The following KCNMA1 variants were observed in gnomAD, a reference collection of about 807,000 sequenced individuals.
The protein encoded by KCNMA1 is potassium calcium-activated channel subfamily M alpha 1.
In KCNMA1, 29 loss-of-function variants were observed where a neutral mutation model predicts 140.0. The ratio of observed to expected loss-of-function variants is 0.21; its 90% CI spans 0.15 to 0.28. KCNMA1 has a LOEUF of 0.28. Ranked by LOEUF, KCNMA1 falls within the 10% of genes least tolerant of loss-of-function variation. KCNMA1 has a pLI of 1.00. For missense variants in KCNMA1, 880 were observed against 1,602.2 expected (o/e 0.55, Z 7.70); for synonymous variants, 612 against 611.9 (o/e 1.00, Z 0.00).
intron 1 of KCNMA1, among the ~76,000 whole-genome samples, chr10:77,545,083 T>C (rs1260922055): frequency 6.6e-6 from 1 of 152,206 alleles, no homozygotes; most frequent in Non-Finnish European, 1.5e-5. Flanking sequence ...AATGGAATCA[T>C]GAAGTTTCTA....
chr10:77,503,884 C>A (rs1394669006), intron 1 of KCNMA1, among the ~76,000 whole-genome samples: 1 of 152,104 alleles, frequency 6.6e-6, no homozygotes, highest in Non-Finnish European at 1.5e-5. Context: ...AAACACTGTG[C>A]GACATCTTAC....
chr10:76,914,435 A>G (rs2051803655), intron 24 of KCNMA1: 19 of 480,464 alleles, frequency 4.0e-5, no homozygotes, highest in Non-Finnish European at 6.7e-5. Flanking sequence ...TTTGGCTGAG[A>G]TATTCAACTA....
intron 3 of KCNMA1, among the ~76,000 whole-genome samples, chr10:77,211,981 T>C (rs2117910): frequency 0.32 from 49,119 of 152,042 alleles, 8,379 homozygotes; most frequent in Non-Finnish European, 0.35. Context: ...AAAGGGAATG[T>C]TTACACACTG....
chr10:77,142,812 T>C (rs2098209972), intron 5 of KCNMA1, among the ~76,000 whole-genome samples: 1 of 152,094 alleles, frequency 6.6e-6, no homozygotes, highest in Non-Finnish European at 1.5e-5. Context: ...TCTCCAAAAC[T>C]TGACACCCTG....
chr10:77,121,781 AATT>A (rs1304470663), intron 5 of KCNMA1, among the ~76,000 whole-genome samples: 3 of 152,232 alleles, frequency 2.0e-5, no homozygotes, highest in Non-Finnish European at 2.9e-5. Flanking sequence ...TAAAAATGCA[AATT>A]ATTATGTTTT....
At chr10:77,550,444 C>T (rs2062520694) in intron 1 of KCNMA1, among the ~76,000 whole-genome samples, 1 of 152,202 alleles carries the variant, frequency 6.6e-6, no homozygotes, top group Non-Finnish European at 1.5e-5. Context: ...GGATTTCACC[C>T]TATTCTTTCC....
intron 3 of KCNMA1, among the ~76,000 whole-genome samples, chr10:77,195,176 G>GT (rs1469676221): frequency 6.6e-6 from 1 of 152,120 alleles, no homozygotes; most frequent in Non-Finnish European, 1.5e-5. Context: ...TAAAATAGCT[G>GT]TGTCTTAGCT....
At chr10:77,574,225 T>A (rs2154561599) in intron 1 of KCNMA1, among the ~76,000 whole-genome samples, 1 of 151,892 alleles carries the variant, frequency 6.6e-6, no homozygotes, top group Admixed American at 6.6e-5. Context: ...GAACTTTTCT[T>A]TCTATAAGAT....
chr10:77,332,123 A>G (rs2086664626), intron 2 of KCNMA1, among the ~76,000 whole-genome samples: 1 of 152,174 alleles, frequency 6.6e-6, no homozygotes, highest in Non-Finnish European at 1.5e-5. Flanking sequence ...CATAGCATTT[A>G]CAGTACGATA....
intron 2 of KCNMA1, among the ~76,000 whole-genome samples, chr10:77,390,608 G>A (rs751047800): frequency 6.6e-6 from 1 of 152,204 alleles, no homozygotes; most frequent in Non-Finnish European, 1.5e-5. Flanking sequence ...ATAACACCAG[G>A]CAGAGGCTCT....
At chr10:77,285,124 T>G (rs2070292132) in intron 2 of KCNMA1, among the ~76,000 whole-genome samples, 2 of 152,206 alleles carry the variant, frequency 1.3e-5, no homozygotes, top group South Asian at 4.1e-4. Context: ...ATCCCGATGC[T>G]CTTGAAATTT....
At chr10:77,281,696 G>A (rs897112181) in intron 2 of KCNMA1, among the ~76,000 whole-genome samples, 9 of 152,180 alleles carry the variant, frequency 5.9e-5, no homozygotes, top group African/African-American at 2.2e-4. Context: ...AGAAGTGCCT[G>A]ACTGGTAATA....
At chr10:77,054,554 T>C (rs1447695354) in intron 14 of KCNMA1, among the ~76,000 whole-genome samples, 3 of 152,164 alleles carry the variant, frequency 2.0e-5, no homozygotes, top group South Asian at 2.1e-4. Context: ...GAGGAAGTGA[T>C]GACTCTTATT....
chr10:77,342,197 C>G (rs1215100343), intron 2 of KCNMA1, among the ~76,000 whole-genome samples: 1 of 152,122 alleles, frequency 6.6e-6, no homozygotes, highest in African/African-American at 2.4e-5. Context: ...AAGACATGTT[C>G]CAATCTAAGC....
Position 77,487,176 on chromosome 10 carries a change from A to C in KCNMA1, c.379-83153T>G, listed in dbSNP as rs568635071. On this transcript the variant is annotated intron_variant, in intron 1 of 27. Transcript: ENST00000286628. ...CATATAGTAGAATCTAGATGAGTAA[A>C]CCCCCACACAGACTTGGCCCTGAAA... 2.7e-3 allele frequency among the ~76,000 whole-genome samples: 411 copies of C among 152,174 alleles called. 3 individuals are homozygous for C. Among genetic ancestry groups the C allele is most frequent in the Non-Finnish European group, 5.2e-3 (357 of 68,012 alleles).
At chr10:77,423,872 T>C (rs2096921087) in intron 1 of KCNMA1, among the ~76,000 whole-genome samples, 1 of 152,190 alleles carries the variant, frequency 6.6e-6, no homozygotes, top group Admixed American at 6.5e-5. Context: ...AAGTCAAGCA[T>C]TCCTTCTCTC....
At chr10:77,106,894 G>C (rs1048098596) in intron 9 of KCNMA1, among the ~76,000 whole-genome samples, 4 of 152,196 alleles carry the variant, frequency 2.6e-5, no homozygotes, top group Non-Finnish European at 5.9e-5. Context: ...TGAGGGGAGG[G>C]CTCCATTAGA....
chr10:77,554,633 A>AAAAG (rs1287409077), intron 1 of KCNMA1, among the ~76,000 whole-genome samples: 2 of 147,342 alleles, frequency 1.4e-5, no homozygotes, highest in Admixed American at 6.6e-5. Context: ...GAAAGAAAAG[A>AAAAG]AAAGAAAGAA....
intron 1 of KCNMA1, among the ~76,000 whole-genome samples, chr10:77,419,585 CGACA>C (rs1197252758): frequency 1.3e-5 from 2 of 152,040 alleles, no homozygotes; most frequent in Non-Finnish European, 2.9e-5. Context: ...CTGGGGATAC[CGACA>C]GTATTTTATT....
Sources: allele counts gnomAD v4.1 joint callset (sites outside exome capture counted in the v4.1 genomes callset), GRCh38; gene constraint gnomAD v4.1.1; transcripts MANE v1.5; gene names NCBI Gene and HGNC (gene_info 2026-07-23, HGNC 2026-07-21).